The following FNDC3B variants were observed in gnomAD, a reference collection of about 807,000 sequenced individuals.
FNDC3B encodes the protein fibronectin type III domain-containing protein 3B.
FNDC3B carries 12 observed loss-of-function variants against 151.5 expected under a neutral mutation model. That is an observed-to-expected ratio of 0.08 (90% confidence interval 0.05 to 0.13). The LOEUF (loss-of-function observed/expected upper bound fraction) is 0.13. FNDC3B is among the 10% of genes least tolerant of loss of function. The probability of loss-of-function intolerance (pLI) is 1.00; values close to 1 mark genes in which losing one functional copy is unlikely to be tolerated. For synonymous variants in FNDC3B, 528 were observed against 549.0 expected (o/e 0.96, Z 0.54); for missense variants, 1,214 against 1,505.3 (o/e 0.81, Z 3.20).
intron 2 of FNDC3B, among the ~76,000 whole-genome samples, chr3:172,124,448 A>G (rs1435264817): frequency 6.6e-6 from 1 of 152,226 alleles, no homozygotes. Context: ...GTGTCACACC[A>G]GGTGTGAATG....
chr3:172,103,902 T>C (rs946204454), intron 1 of FNDC3B, among the ~76,000 whole-genome samples: 1 of 152,188 alleles, frequency 6.6e-6, no homozygotes, highest in African/African-American at 2.4e-5. Flanking sequence ...GTACTGCTCA[T>C]GTCTCAAGAG....
At chr3:172,223,029 C>G (rs1576812534) in intron 3 of FNDC3B, among the ~76,000 whole-genome samples, 1 of 152,216 alleles carries the variant, frequency 6.6e-6, no homozygotes, top group East Asian at 1.9e-4. Context: ...AGCGGCTCTC[C>G]AACCTTTCTG....
chr3:172,192,919 C>G (rs1724608607), intron 3 of FNDC3B, among the ~76,000 whole-genome samples: 1 of 152,048 alleles, frequency 6.6e-6, no homozygotes, highest in South Asian at 2.1e-4. Flanking sequence ...TGTCAAAACT[C>G]AAACTCGGTT....
At chr3:172,303,274 T>C (rs1214616364) in intron 9 of FNDC3B, among the ~76,000 whole-genome samples, 1 of 152,152 alleles carries the variant, frequency 6.6e-6, no homozygotes, top group African/African-American at 2.4e-5. Flanking sequence ...AGCAATTTCA[T>C]GAAAATTTTG....
rs1733894486 is a variant in FNDC3B, at chr3:172,352,329, G to A, written c.2515-474G>A. Reference sequence around the variant, plus strand: ...ATTATTCATGTGGAAGATAGAAGATGCCTTTTCCTATTGCTATTCCAGGAC... The same window carrying A: ...ATTATTCATGTGGAAGATAGAAGATACCTTTTCCTATTGCTATTCCAGGAC... On this transcript the variant is annotated intron_variant, in intron 21 of 25. Coordinates refer to ENST00000415807, the MANE Select transcript of FNDC3B (RefSeq NM_022763.4). The surrounding 1 kb of genome is among the most constrained non-coding windows in gnomAD (Gnocchi z 4.2). Among the ~76,000 whole-genome samples, 1 of 152,184 alleles carries A rather than the reference G, an allele frequency of 6.6e-6. No individual in the cohort carries two copies. The highest frequency in any genetic ancestry group is 2.4e-5 in the African/African-American group (1 of 41,432).
At position 172,343,326 on chromosome 3, in the gene FNDC3B, T is replaced by C. The variant is rs192139131; in HGVS notation, c.2077+210T>C. Among the ~76,000 whole-genome samples, 384 of 152,314 alleles carry C rather than the reference T, an allele frequency of 2.5e-3. 1 individual carries two copies. The highest frequency in any genetic ancestry group is 3.0e-3 in the Non-Finnish European group (207 of 68,036). ...CACACCCGCAACACTGTCCCTCACC[T>C]TCCTCTTCCTGATGGTGCCACACAC... On this transcript the variant is annotated intron_variant, in intron 18 of 25. Transcript: ENST00000415807.
At chr3:172,369,398 G>C (rs943575974) in intron 23 of FNDC3B, among the ~76,000 whole-genome samples, 1 of 152,036 alleles carries the variant, frequency 6.6e-6, no homozygotes, top group African/African-American at 2.4e-5. Flanking sequence ...AGAAATTCTA[G>C]TCATCCTTTT....
chr3:172,165,691 C>A (rs1007894725), intron 3 of FNDC3B, among the ~76,000 whole-genome samples: 2 of 152,080 alleles, frequency 1.3e-5, no homozygotes, highest in African/African-American at 4.8e-5. Flanking sequence ...ATAAATTTTT[C>A]TTCTGTTTCC....
At chr3:172,350,193 T>C (rs1385924042) in intron 21 of FNDC3B, among the ~76,000 whole-genome samples, 1 of 152,256 alleles carries the variant, frequency 6.6e-6, no homozygotes, top group Non-Finnish European at 1.5e-5. Context: ...GGCCTGATAC[T>C]CTGCCAGCAT....
chr3:172,256,088 A>G (rs1295496968), intron 6 of FNDC3B, among the ~76,000 whole-genome samples: 1 of 152,212 alleles, frequency 6.6e-6, no homozygotes. Context: ...CCCACTGTCT[A>G]GAGAATAAAG....
intron 3 of FNDC3B, among the ~76,000 whole-genome samples, chr3:172,166,927 T>G (rs1239389222): frequency 1.3e-5 from 2 of 152,222 alleles, no homozygotes; most frequent in Non-Finnish European, 2.9e-5. Context: ...TCATTTGCTT[T>G]TCTACGAAAG....
chr3:172,301,035 C>T (rs917278281), intron 9 of FNDC3B, among the ~76,000 whole-genome samples: 16 of 152,124 alleles, frequency 1.1e-4, no homozygotes, highest in African/African-American at 3.6e-4. Context: ...ACATGGCTTG[C>T]AACTTGAAGT....
chr3:172,120,409 T>C (rs925906764), intron 2 of FNDC3B, among the ~76,000 whole-genome samples: 2 of 152,118 alleles, frequency 1.3e-5, no homozygotes, highest in Non-Finnish European at 2.9e-5. Flanking sequence ...TAACTCAGGG[T>C]GGGTAGGGAC....
intron 21 of FNDC3B, among the ~76,000 whole-genome samples, chr3:172,347,565 A>T (rs1282193352): frequency 6.6e-6 from 1 of 152,220 alleles, no homozygotes; most frequent in African/African-American, 2.4e-5. Flanking sequence ...AAACTTAAGA[A>T]CAAAATAAGA....
At chr3:172,223,036 T>C (rs1726368294) in intron 3 of FNDC3B, among the ~76,000 whole-genome samples, 1 of 152,228 alleles carries the variant, frequency 6.6e-6, no homozygotes, top group Non-Finnish European at 1.5e-5. Flanking sequence ...CTCCAACCTT[T>C]CTGGTTCAAG....
intron 11 of FNDC3B, 156 bp downstream of exon 11, chr3:172,311,037 T>C (rs1731450813): frequency 3.2e-6 from 2 of 618,016 alleles, no homozygotes; most frequent in Admixed American, 2.8e-5. Flanking sequence ...CTATGGAAAA[T>C]GAAGTTAGAT....
chr3:172,274,479 G>T (rs1342520666), intron 6 of FNDC3B, among the ~76,000 whole-genome samples: 1 of 151,776 alleles, frequency 6.6e-6, no homozygotes, highest in Non-Finnish European at 1.5e-5. Context: ...TTGATACTGG[G>T]TTCTTTTAGA....
chr3:172,058,926 A>G (rs1045496332), intron 1 of FNDC3B, among the ~76,000 whole-genome samples: 7 of 152,232 alleles, frequency 4.6e-5, no homozygotes, highest in Admixed American at 2.0e-4. Context: ...GAGCATATCA[A>G]TGAACCAAGA....
intron 2 of FNDC3B, among the ~76,000 whole-genome samples, chr3:172,125,710 G>A (rs1001120444): frequency 6.6e-6 from 1 of 152,214 alleles, no homozygotes; most frequent in Non-Finnish European, 1.5e-5. Flanking sequence ...AAGAAACAAA[G>A]TGTATCCTTC....
Sources: gnomAD v4.1 joint callset for allele counts (sites outside exome capture counted in the v4.1 genomes callset) on GRCh38, gnomAD v4.1.1 for gene constraint, Gnocchi (gnomAD v3.1) non-coding constraint, MANE v1.5 for transcripts, NCBI Gene and HGNC (gene_info 2026-07-23, HGNC 2026-07-21) for gene names.